The following HYAL4 variants were observed in gnomAD, a reference collection of about 807,000 sequenced individuals.
HYAL4 encodes the protein hyaluronidase 4.
In HYAL4, 37 loss-of-function variants were observed where a neutral mutation model predicts 35.2. The observed-to-expected ratio is 1.05, with a 90% CI of 0.81 to 1.38. HYAL4 has a LOEUF of 1.38. HYAL4 is among the 40% of genes most tolerant of loss of function. HYAL4 has a pLI of 0.00. For synonymous variants in HYAL4, 198 were observed against 203.2 expected (o/e 0.97, Z 0.22); for missense variants, 572 against 572.4 (o/e 1.00, Z 0.01).
chr7:123,862,307 T>C (rs1806591698), intron 2 of HYAL4, among the ~76,000 whole-genome samples: 1 of 152,198 alleles, frequency 6.6e-6, no homozygotes, highest in Admixed American at 6.5e-5. Context: ...TTAGGGACCA[T>C]GACCTTCAGG....
intron 3 of HYAL4, among the ~76,000 whole-genome samples, chr7:123,871,432 T>C (rs181407019): frequency 1.9e-3 from 287 of 152,196 alleles, no homozygotes; most frequent in African/African-American, 6.7e-3. Flanking sequence ...CCTCAAGAGA[T>C]CCACCCGCCT....
chr7:123,827,801 A>G (rs974597299), upstream of HYAL4, among the ~76,000 whole-genome samples: 3 of 152,186 alleles, frequency 2.0e-5, no homozygotes, highest in Non-Finnish European at 2.9e-5. Flanking sequence ...TTACTGAGAA[A>G]ATATCCCACT....
the HYAL4 span, among the ~76,000 whole-genome samples, chr7:123,810,032 A>G: frequency 6.6e-6 from 1 of 152,210 alleles, no homozygotes; most frequent in Non-Finnish European, 1.5e-5. Flanking sequence ...AAAGTTTAGT[A>G]AAAGTTAACT....
chr7:123,804,607 C>T, the HYAL4 span, among the ~76,000 whole-genome samples: 1 of 151,482 alleles, frequency 6.6e-6, no homozygotes, highest in South Asian at 2.1e-4. Context: ...TGTTTCCTTC[C>T]TTCCAGTTCC....
At chr7:123,847,620 A>C (rs535049626) in intron 1 of HYAL4, among the ~76,000 whole-genome samples, 1 of 152,156 alleles carries the variant, frequency 6.6e-6, no homozygotes, top group African/African-American at 2.4e-5. Context: ...TACTGAAAAT[A>C]CAAAAAAATT....
At chr7:123,850,931 T>C (rs1262343953) in intron 2 of HYAL4, among the ~76,000 whole-genome samples, 1 of 152,182 alleles carries the variant, frequency 6.6e-6, no homozygotes, top group Non-Finnish European at 1.5e-5. Context: ...GAAATCAAAA[T>C]CTATTGTGAA....
chr7:123,802,158 C>T, the HYAL4 span, among the ~76,000 whole-genome samples: 221 of 152,214 alleles, frequency 1.5e-3, no homozygotes, highest in African/African-American at 4.9e-3. Context: ...AAACATTTCC[C>T]CAGATACTTG....
intron 1 of HYAL4, 77 bp from the exon 2 acceptor site, chr7:123,848,012 A>G (rs1806212418): frequency 6.6e-6 from 1 of 152,614 alleles, no homozygotes; most frequent in Non-Finnish European, 1.5e-5. Flanking sequence ...TTATAAAGAG[A>G]TTTAATGCAA....
At position 123,830,859 on chromosome 7, in the gene HYAL4, C is replaced by G. The variant is rs902122720; in HGVS notation, c.-257+1735C>G. ...TTTTCACTGTTCAGTTATAAAATTA[C>G]TATTAGATAGATCTTGGCTTTTCTA... On this transcript the variant is annotated intron_variant, in intron 1 of 4. Transcript: ENST00000489978. 3.9e-5 allele frequency among the ~76,000 whole-genome samples: 6 copies of G among 151,978 alleles called. No homozygotes were observed. In the South Asian group the frequency reaches 1.2e-3, roughly 31 times the overall value.
At chr7:123,832,477 TAC>T (rs200456645) in intron 1 of HYAL4, among the ~76,000 whole-genome samples, 1 of 73,022 alleles carries the variant, frequency 1.4e-5, no homozygotes, top group African/African-American at 7.2e-5. Context: ...TATTGTGTCA[TAC>T]TTTTTTTTTT....
Position 123,838,451 on chromosome 7 carries a change from A to C in HYAL4, c.-256-5794A>C, listed in dbSNP as rs538121295. Among the ~76,000 whole-genome samples the C allele has an allele frequency of 3.9e-5, 6 of 152,128 alleles. No individual in the cohort carries two copies. The South Asian group carries it at 1.2e-3, about 32-fold the overall frequency. ...GACAACCCCAACAAATAATATCAAC[A>C]TTACAAAATGGTTCTACCATTATAC... On this transcript the variant is annotated intron_variant, in intron 1 of 4. Coordinates refer to the HYAL4 transcript ENST00000489978.
chr7:123,837,633 G>A (rs1805985668), intron 1 of HYAL4, among the ~76,000 whole-genome samples: 1 of 151,548 alleles, frequency 6.6e-6, no homozygotes, highest in Non-Finnish European at 1.5e-5. Context: ...CCATTAACTC[G>A]TCATTTAACA....
the HYAL4 span, among the ~76,000 whole-genome samples, chr7:123,785,235 G>A: frequency 1.3e-5 from 2 of 151,998 alleles, no homozygotes; most frequent in Non-Finnish European, 2.9e-5. This position sits in a 1 kb window ranked among gnomAD's most constrained non-coding sequence, Gnocchi z 4.5. Context: ...ACAGGTGCAC[G>A]CCACCACGCC....
At chr7:123,837,744 C>T (rs901508391) in intron 1 of HYAL4, among the ~76,000 whole-genome samples, 4 of 147,722 alleles carry the variant, frequency 2.7e-5, no homozygotes, top group Admixed American at 6.9e-5. Context: ...GTTCAATTCC[C>T]ACCTATGAGT....
At chr7:123,783,222 G>A in the HYAL4 span, among the ~76,000 whole-genome samples, 2 of 152,160 alleles carry the variant, frequency 1.3e-5, no homozygotes, top group Non-Finnish European at 2.9e-5. Context: ...TACTGATAAT[G>A]CAAAGATGAA....
At position 123,869,191 on chromosome 7, in the gene HYAL4, A is replaced by G; in HGVS notation, c.918A>G (p.Leu306=). ...TGCCTGTATTTGTCTACACAAGGCT[A>G]GGGTACAGAGATGAACCTTTATTTT... ...YALPVFVYTR[L]GYRDEPLFFL... The change falls in exon 3 of 5, where the codon CTA becomes CTG. Residue 306 remains leucine, a synonymous_variant. Transcript: ENST00000223026. The G allele has an allele frequency of 6.2e-7, 1 of 1,613,766 alleles. No individual in the cohort carries two copies. The highest frequency in any genetic ancestry group is 8.5e-7 in the Non-Finnish European group (1 of 1,179,870).
chr7:123,805,037 G>GAAATCAGTGT, the HYAL4 span, among the ~76,000 whole-genome samples: 18 of 152,286 alleles, frequency 1.2e-4, no homozygotes, highest in South Asian at 3.7e-3. Context: ...TTGGAAAGGT[G>GAAATCAGTGT]AAATCAGTGT....
the HYAL4 span, chr7:123,790,625 G>T: frequency 7.6e-6 from 1 of 131,722 alleles, no homozygotes; most frequent in Non-Finnish European, 1.6e-5. Context: ...AACGCTTCAC[G>T]AATTTGCGTG....
At chr7:123,783,160 A>T in the HYAL4 span, among the ~76,000 whole-genome samples, 1 of 152,156 alleles carries the variant, frequency 6.6e-6, no homozygotes. Flanking sequence ...AATTTCAGTT[A>T]ATTTCAATAA....
Sources: gnomAD v4.1 joint callset for allele counts (sites outside exome capture counted in the v4.1 genomes callset) on GRCh38, gnomAD v4.1.1 for gene constraint, Gnocchi (gnomAD v3.1) non-coding constraint, MANE v1.5 for transcripts, NCBI Gene and HGNC (gene_info 2026-07-23, HGNC 2026-07-21) for gene names.